Variants in PSMD2 observed in about 807,000 individuals in gnomAD.
The protein encoded by PSMD2 is proteasome 26S subunit ubiquitin receptor, non-ATPase 2.
Under a neutral mutation model 101.5 loss-of-function variants are expected in PSMD2, and 8 were observed. The ratio of observed to expected loss-of-function variants is 0.08; its 90% confidence interval spans 0.05 to 0.14. The LOEUF (loss-of-function observed/expected upper bound fraction) is 0.14. Ranked by LOEUF, PSMD2 falls within the 10% of genes least tolerant of loss-of-function variation. The pLI is 1.00. For synonymous variants in PSMD2, 418 were observed against 433.8 expected (o/e 0.96, Z 0.45); for missense variants, 784 against 1,147.4 (o/e 0.68, Z 4.58).
At chr3:184,307,774 TG>T in intron 18 of PSMD2, 66 bp downstream of exon 18, 1 of 1,604,132 alleles carries the variant, frequency 6.2e-7, no homozygotes, top group Non-Finnish European at 8.5e-7. Flanking sequence ...AGGAGGAACA[TG>T]GAGTGTTGGC....
intron 3 of PSMD2, among the ~76,000 whole-genome samples, chr3:184,300,917 A>G (rs1053327299): frequency 1.3e-4 from 20 of 152,210 alleles, no homozygotes; most frequent in Non-Finnish European, 8.8e-5. Context: ...TTTCTCGGTT[A>G]TAGGTCTTTT....
At position 184,299,857 on chromosome 3, in the gene PSMD2, G is replaced by C. The variant is rs1356190700; in HGVS notation, c.142G>C (p.Glu48Gln). Residue 48 changes from glutamate (E) to glutamine (Q), a missense_variant, in exon 2 of 21, where the codon GAG becomes CAG. Glu to Gln is a conservative substitution (Grantham distance 29). This residue lies in a region of PSMD2 where 196 missense variants were observed against 182.4 expected (regional missense o/e 1.07). Coordinates refer to ENST00000310118, the MANE Select transcript of PSMD2 (RefSeq NM_002808.5). ...DKDKEQELSE[E>Q]DKQLQDELEM... Reference sequence around the variant, plus strand: ...GCTTCTCCCAACCCTCCAGTCTGAAGAGGATAAACAGCTTCAAGATGAACT... The same window carrying C: ...GCTTCTCCCAACCCTCCAGTCTGAACAGGATAAACAGCTTCAAGATGAACT... 2 of 1,613,344 alleles carry C rather than the reference G, an allele frequency of 1.2e-6. No individual in the cohort carries two copies. The highest frequency in any genetic ancestry group is 1.7e-6 in the Non-Finnish European group (2 of 1,179,416).
Position 184,308,497 on chromosome 3 carries a change from T to C in PSMD2, c.2474T>C (p.Met825Thr), listed in dbSNP as rs1405388739. 4.3e-6 allele frequency: 7 copies of C among 1,612,634 alleles called. No individual in the cohort carries two copies. The highest frequency in any genetic ancestry group is 2.7e-5 in the African/African-American group (2 of 74,884). Residue 825 changes from methionine (M) to threonine (T), a missense_variant, in exon 20 of 21, where the codon ATG becomes ACG. Physicochemically the swap from Met to Thr is moderately conservative, Grantham distance 81 (BLOSUM62 -1). Transcript: ENST00000310118. This position sits in a 1 kb window ranked among gnomAD's most constrained non-coding sequence, Gnocchi z 6.0. ...GTATTGTATGGGCTGGTGGCTGCCA[T>C]GCAGCCCCGAATGCTGGTTACGTTT... ...HYVLYGLVAA[M>T]QPRMLVTFDE...
chr3:184,303,675 A>G lies in PSMD2; in HGVS notation c.1249A>G (p.Ile417Val), dbSNP rs1453927691. 6.2e-7 allele frequency: 1 copy of G among 1,614,042 alleles called. No individual in the cohort carries two copies. Among genetic ancestry groups the G allele is most frequent in the African/African-American group, 1.3e-5 (1 of 74,904 alleles). Residue 417 changes from isoleucine to valine, a missense_variant, in exon 10 of 21, where the codon ATT (isoleucine) becomes GTT (valine). Coordinates refer to ENST00000310118, the MANE Select transcript of PSMD2 (RefSeq NM_002808.5). ...MLSAAASLGM[I>V]LLWDVDGGLT... ...GAGTGCAGCTGCATCTCTTGGGATGATTCTGCTGTGGGATGTGGATGGTGG... is the reference window on the plus strand; with the variant it reads ...GAGTGCAGCTGCATCTCTTGGGATGGTTCTGCTGTGGGATGTGGATGGTGG...
Position 184,308,748 on chromosome 3 carries a change from T to C in PSMD2, c.2585T>C (p.Ile862Thr). 6.2e-7 allele frequency: 1 copy of C among 1,614,148 alleles called. No individual in the cohort carries two copies. The highest frequency in any genetic ancestry group is 8.5e-7 in the Non-Finnish European group (1 of 1,179,990). ...VVGQAGKPKT[I>T]TGFQTHTTPV... ...GGCCAGGCTGGCAAGCCGAAGACTA[T>C]CACAGGGTTCCAGACGCATACAACC... The change falls in exon 21 of 21, where the codon ATC becomes ACC. Residue 862 changes from isoleucine (I) to threonine (T), a missense_variant. Ile to Thr is a moderately conservative substitution (Grantham distance 89). This residue lies in a region of PSMD2 where 28 missense variants were observed against 80.8 expected (regional missense o/e 0.35). Transcript: ENST00000310118. The surrounding 1 kb of genome is among the most constrained non-coding windows in gnomAD (Gnocchi z 6.0).
chr3:184,306,070 C>T lies in PSMD2; in HGVS notation c.1719C>T (p.Ile573=), dbSNP rs753454775. The T allele has an allele frequency of 9.3e-6, 15 of 1,614,140 alleles. No individual in the cohort carries two copies. The highest frequency in any genetic ancestry group is 1.3e-5 in the African/African-American group (1 of 75,044). Residue 573 remains isoleucine, a synonymous_variant, in exon 14 of 21, where the codon ATC becomes ATT. Transcript: ENST00000310118. ...GTCCTGTAGGGAAGGGTGAGGCCATCGAGGCAATCCTGGCTGCACTGGAGG... is the reference window on the plus strand; with the variant it reads ...GTCCTGTAGGGAAGGGTGAGGCCATTGAGGCAATCCTGGCTGCACTGGAGG... ...GLNHLGKGEA[I]EAILAALEVV... is the part of the protein sequence containing the mutation.
At position 184,308,532 on chromosome 3, in the gene PSMD2, C is replaced by T; in HGVS notation, c.2509C>T (p.Leu837=). Residue 837 remains leucine (L), a synonymous_variant, in exon 20 of 21, where the codon CTG becomes TTG. Transcript: ENST00000310118. This position sits in a 1 kb window ranked among gnomAD's most constrained non-coding sequence, Gnocchi z 6.0. ...AATGCTGGTTACGTTTGATGAGGAGCTGCGGCCATTGCCAGTGTCTGTCCG... is the reference window on the plus strand; with the variant it reads ...AATGCTGGTTACGTTTGATGAGGAGTTGCGGCCATTGCCAGTGTCTGTCCG... The part of the protein sequence containing the change: ...PRMLVTFDEE[L]RPLPVSVRVG... The T allele has an allele frequency of 2.5e-6, 4 of 1,613,702 alleles. No individual in the cohort carries two copies. Among genetic ancestry groups the T allele is most frequent in the Non-Finnish European group, 3.4e-6 (4 of 1,179,996 alleles).
chr3:184,303,221 G>A, intron 8 of PSMD2, 99 bp from the exon 9 acceptor site: 1 of 1,523,282 alleles, frequency 6.6e-7, no homozygotes. Context: ...AGGATACTAA[G>A]GGACTAGCTC....
intron 16 of PSMD2, 81 bp downstream of exon 16, chr3:184,306,915 T>G (rs1721851752): frequency 2.7e-6 from 3 of 1,096,946 alleles, no homozygotes; most frequent in African/African-American, 3.2e-5. Context: ...CTGATGGGTT[T>G]TCTTGGTGGA....
intron 16 of PSMD2, 118 bp downstream of exon 16, chr3:184,306,952 CTTTCTTTTTTCT>C: frequency 7.2e-6 from 6 of 836,046 alleles, no homozygotes; most frequent in East Asian, 2.5e-5. Context: ...TGTGCCTTTT[CTTTCTTTTTTCT>C]TTTCTTTTTT....
At position 184,309,013 on chromosome 3, in the gene PSMD2, G is replaced by A; in HGVS notation, c.*123G>A. 9.9e-7 allele frequency: 1 copy of A among 1,012,936 alleles called. No homozygotes were observed. The highest frequency in any genetic ancestry group is 2.4e-5 in the East Asian group (1 of 41,782). The allele number at this position is 1,012,936 out of a possible 1,614,324, so 62.7% of individuals were successfully genotyped here. A position where few individuals can be genotyped will look rare whatever the true frequency, so the allele number is the denominator to read the frequency against. ...TCGCCTCCTGCTCTTTTGTTACTGA[G>A]TGAGATAAGGTTGTTCAATAAAGAC... On this transcript the variant is annotated 3_prime_UTR_variant, in exon 21 of 21. Transcript: ENST00000310118.
chr3:184,302,857 G>A (rs778392505), intron 7 of PSMD2, 34 bp downstream of exon 7: 10 of 1,613,412 alleles, frequency 6.2e-6, no homozygotes, highest in South Asian at 2.2e-5. Flanking sequence ...AGGCCTTTTC[G>A]TCATAATTCT....
intron 18 of PSMD2, 78 bp downstream of exon 18, chr3:184,307,786 C>G (rs1352676479): frequency 1.2e-6 from 2 of 1,604,376 alleles, no homozygotes; most frequent in South Asian, 1.1e-5. Flanking sequence ...GAGTGTTGGC[C>G]CAGGAGGAAA....
Position 184,301,557 on chromosome 3 carries a change from C to T in PSMD2, c.378C>T (p.Ile126=). Residue 126 remains isoleucine (I), a synonymous_variant, in exon 4 of 21, where the codon ATC becomes ATT. Transcript: ENST00000310118. ...GENKRFAADI[I]SVLAMTMSGE... ...TATAGCGTTTTGCTGCTGACATCATCTCCGTTTTGGCCATGACCATGAGTG... is the reference window on the plus strand; with the variant it reads ...TATAGCGTTTTGCTGCTGACATCATTTCCGTTTTGGCCATGACCATGAGTG... The T allele has an allele frequency of 1.9e-6, 3 of 1,613,964 alleles. No homozygotes were observed. The highest frequency in any genetic ancestry group is 2.5e-6 in the Non-Finnish European group (3 of 1,179,940).
At chr3:184,306,325 A>C (rs764735996) in intron 14 of PSMD2, 25 bp from the exon 15 acceptor site, 1 of 1,609,466 alleles carries the variant, frequency 6.2e-7, no homozygotes, top group Non-Finnish European at 8.5e-7. Context: ...ATTTCTGTCC[A>C]TTCTCCCTCA....
Position 184,303,417 on chromosome 3 carries a change from G to A in PSMD2, c.1167G>A (p.Lys389=). 1 of 1,614,178 alleles carries A rather than the reference G, an allele frequency of 6.2e-7. No individual in the cohort carries two copies. Among genetic ancestry groups the A allele is most frequent in the Non-Finnish European group, 8.5e-7 (1 of 1,180,040 alleles). The part of the protein sequence containing the change: ...GFVNAAFGQD[K]LLTDDGNKWL... The stretch of plus-strand genomic sequence containing the variant: ...TGAATGCAGCTTTTGGCCAAGACAA[G>A]CTGCTAACAGATGATGGCAACAAAT... Residue 389 remains lysine, a synonymous_variant, in exon 9 of 21, where the codon AAG becomes AAA. Coordinates refer to ENST00000310118, the MANE Select transcript of PSMD2 (RefSeq NM_002808.5).
chr3:184,303,495 G>A lies in PSMD2; in HGVS notation c.1216+29G>A, dbSNP rs1365718642. The A allele has an allele frequency of 4.3e-6, 7 of 1,611,486 alleles. No homozygotes were observed. The South Asian group carries it at 6.6e-5, about 15-fold the overall frequency. On this transcript the variant is annotated intron_variant, in intron 9 of 20. Coordinates refer to ENST00000310118, the MANE Select transcript of PSMD2 (RefSeq NM_002808.5). ...TAATTCTGTTCCTGCTTTGTCTTTT[G>A]TTTTGCTTTGATCACTTCTTTTGTC...
chr3:184,303,777 G>A (rs774773019), intron 10 of PSMD2, 28 bp downstream of exon 10: 3 of 1,610,492 alleles, frequency 1.9e-6, no homozygotes, highest in Non-Finnish European at 2.5e-6. Flanking sequence ...CTGCTCATGG[G>A]GACTTCCCCG....
intron 14 of PSMD2, 34 bp from the exon 15 acceptor site, chr3:184,306,316 T>C: frequency 6.2e-7 from 1 of 1,608,176 alleles, no homozygotes. Flanking sequence ...TAACTTCTCA[T>C]TTCTGTCCAT....
Sources: gnomAD v4.1 joint callset for allele counts (sites outside exome capture counted in the v4.1 genomes callset) on GRCh38, gnomAD v4.1.1 for gene constraint, gnomAD v4.1.1 regional missense constraint, Gnocchi (gnomAD v3.1) non-coding constraint, MANE v1.5 for transcripts, NCBI Gene and HGNC (gene_info 2026-07-23, HGNC 2026-07-21) for gene names.